The following RFX3 variants were observed in gnomAD, a reference collection of about 807,000 sequenced individuals.
RFX3 encodes the protein regulatory factor X3, also known as transcription factor RFX3.
A neutral mutation model predicts 98.6 loss-of-function variants in RFX3; 14 were observed. The observed-to-expected ratio is 0.14, with a 90% CI of 0.09 to 0.22. RFX3 has a LOEUF of 0.22. RFX3 is among the 10% of genes least tolerant of loss of function. The probability of loss-of-function intolerance (pLI) is 1.00; values close to 1 mark genes in which losing one functional copy is unlikely to be tolerated. For missense variants in RFX3, 639 were observed against 926.9 expected, an observed-to-expected ratio of 0.69 and a Z score of 4.03; for synonymous variants, 383 against 328.4, an observed-to-expected ratio of 1.17 and a Z score of -1.80.
intron 3 of RFX3, among the ~76,000 whole-genome samples, chr9:3,345,088 C>T (rs1331870992): frequency 1.3e-5 from 2 of 152,052 alleles, no homozygotes; most frequent in African/African-American, 4.8e-5. Context: ...CAGTACAATG[C>T]TGTAAGTAAA....
chr9:3,397,726 AC>A (rs989882498), intron 1 of RFX3, among the ~76,000 whole-genome samples: 1 of 152,138 alleles, frequency 6.6e-6, no homozygotes, highest in African/African-American at 2.4e-5. Context: ...TGTTAGTGAA[AC>A]CCCTAAAGCA....
intron 4 of RFX3, 60 bp downstream of exon 4, chr9:3,330,199 G>C: frequency 6.5e-7 from 1 of 1,548,564 alleles, no homozygotes; most frequent in African/African-American, 1.4e-5. Flanking sequence ...TCTATCAAAG[G>C]AAATGTTCAT....
rs1214650262 is a variant in RFX3, at chr9:3,371,237, T to C, written c.117+24235A>G. 3.3e-5 allele frequency among the ~76,000 whole-genome samples: 5 copies of C among 152,154 alleles called. No individual in the cohort carries two copies. The East Asian group carries it at 9.6e-4, about 29-fold the overall frequency. Reference sequence around the variant, plus strand: ...ATGTCTCTGTTCATAGTGCTAGCAATAGCCCTTTTTTATTTGCCAGTGGAG... The same window carrying C: ...ATGTCTCTGTTCATAGTGCTAGCAACAGCCCTTTTTTATTTGCCAGTGGAG... On this transcript the variant is annotated intron_variant, in intron 2 of 16. Transcript: ENST00000617270.
chr9:3,293,288 C>A (rs765311889), intron 5 of RFX3, 30 bp from the exon 6 acceptor site: 7 of 1,531,682 alleles, frequency 4.6e-6, no homozygotes, highest in African/African-American at 1.4e-5. Flanking sequence ...TAAACACAGA[C>A]AAATCACATA....
intron 1 of RFX3, among the ~76,000 whole-genome samples, chr9:3,520,906 A>G (rs1172357345): frequency 6.6e-6 from 1 of 152,204 alleles, no homozygotes; most frequent in East Asian, 1.9e-4. Flanking sequence ...TCTTGAACTC[A>G]TAGCCTCAGG....
intron 1 of RFX3, among the ~76,000 whole-genome samples, chr9:3,457,569 T>A (rs971820298): frequency 1.3e-5 from 2 of 152,192 alleles, no homozygotes; most frequent in African/African-American, 4.8e-5. Flanking sequence ...TGTTCTTTTA[T>A]TATTATTTTT....
intron 1 of RFX3, among the ~76,000 whole-genome samples, chr9:3,497,776 AT>A (rs749955514): frequency 3.9e-5 from 6 of 151,938 alleles, no homozygotes; most frequent in Non-Finnish European, 8.8e-5. Context: ...AAAGAGGCTG[AT>A]TTTACCTTTA....
chr9:3,292,061 CAAAAAAAAAAAAAAAAAAAAAA>C (rs58788880), intron 6 of RFX3, among the ~76,000 whole-genome samples: 32 of 23,944 alleles, frequency 1.3e-3, no homozygotes, highest in South Asian at 6.5e-3. Flanking sequence ...GACTCCATCT[CAAAAAAAAAAAAAAAAAAAAAA>C]AAAAAAAAAA....
intron 9 of RFX3, among the ~76,000 whole-genome samples, 168 bp from the exon 10 acceptor site, chr9:3,271,286 A>G (rs1273114031): frequency 6.6e-6 from 1 of 152,122 alleles, no homozygotes; most frequent in Non-Finnish European, 1.5e-5. Flanking sequence ...GAAAAAAAAA[A>G]AAGAAACTAG....
chr9:3,385,768 T>C (rs922599159), intron 2 of RFX3, among the ~76,000 whole-genome samples: 4 of 151,772 alleles, frequency 2.6e-5, no homozygotes, highest in Non-Finnish European at 5.9e-5. Context: ...TTGGGAATAG[T>C]TGCACTAAAG....
chr9:3,374,473 G>A (rs575963195), intron 2 of RFX3, among the ~76,000 whole-genome samples: 6 of 152,074 alleles, frequency 3.9e-5, no homozygotes, highest in Non-Finnish European at 1.5e-5. Flanking sequence ...AAGTATCCAA[G>A]GGAAGATGAA....
intron 1 of RFX3, among the ~76,000 whole-genome samples, chr9:3,521,000 T>A (rs962226280): frequency 3.3e-5 from 5 of 152,338 alleles, no homozygotes; most frequent in Admixed American, 6.5e-5. Flanking sequence ...ATAATGTCAA[T>A]ACTATTTTAT....
intron 1 of RFX3, among the ~76,000 whole-genome samples, chr9:3,424,375 T>TTTTTG (rs1843770526): frequency 1.5e-5 from 2 of 129,568 alleles, no homozygotes; most frequent in African/African-American, 2.9e-5. Flanking sequence ...TTTTTTTTTT[T>TTTTTG]TTTTGAGACG....
chr9:3,485,521 T>C (rs1459357361), intron 1 of RFX3, among the ~76,000 whole-genome samples: 1 of 152,220 alleles, frequency 6.6e-6, no homozygotes, highest in African/African-American at 2.4e-5. Flanking sequence ...ACTGCTTCAT[T>C]CTAACATTGT....
At chr9:3,440,939 T>A (rs1341757924) in intron 1 of RFX3, among the ~76,000 whole-genome samples, 1 of 152,128 alleles carries the variant, frequency 6.6e-6, no homozygotes, top group Non-Finnish European at 1.5e-5. Context: ...CATATATAAA[T>A]GATAACCAAT....
At chr9:3,266,327 C>A (rs1394559278) in intron 11 of RFX3, 22 bp from the exon 12 acceptor site, 2 of 1,496,050 alleles carry the variant, frequency 1.3e-6, no homozygotes, top group Admixed American at 3.5e-5. Context: ...AGAATAAAAG[C>A]AGGATAAAAA....
intron 1 of RFX3, among the ~76,000 whole-genome samples, chr9:3,491,339 G>A (rs1345253074): frequency 4.6e-5 from 7 of 152,000 alleles, no homozygotes; most frequent in Non-Finnish European, 8.8e-5. Context: ...TTGGATTCTC[G>A]AAAAGAATTT....
intron 4 of RFX3, among the ~76,000 whole-genome samples, chr9:3,325,423 C>T (rs1675169882): frequency 6.6e-6 from 1 of 152,074 alleles, no homozygotes; most frequent in African/African-American, 2.4e-5. Context: ...TTACATTAAT[C>T]AAAAGAGGTG....
At chr9:3,317,916 T>C (rs2130668042) in intron 4 of RFX3, among the ~76,000 whole-genome samples, 1 of 152,328 alleles carries the variant, frequency 6.6e-6, no homozygotes, top group South Asian at 2.1e-4. Flanking sequence ...ACTTTTACAC[T>C]GTTGGTGGGA....
Sources: allele counts gnomAD v4.1 joint callset (sites outside exome capture counted in the v4.1 genomes callset), GRCh38; gene constraint gnomAD v4.1.1; transcripts MANE v1.5; gene names NCBI Gene and HGNC (gene_info 2026-07-23, HGNC 2026-07-21).